DERA: variants seen among roughly 807,000 people sequenced by gnomAD.
DERA encodes deoxyribose-phosphate aldolase, also known as 2-deoxy-D-ribose 5-phosphate aldolase.
DERA carries 15 observed loss-of-function variants against 41.1 expected under a neutral mutation model. That is an observed-to-expected ratio of 0.37 (90% CI 0.24 to 0.56). The LOEUF is 0.56. Ranked by LOEUF, DERA falls within the 20% of genes least tolerant of loss-of-function variation. The pLI is 0.81. For synonymous variants in DERA, 139 were observed against 137.4 expected, an observed-to-expected ratio of 1.01 and a Z score of -0.08; for missense variants, 396 against 403.4, an observed-to-expected ratio of 0.98 and a Z score of 0.16.
intron 6 of DERA, among the ~76,000 whole-genome samples, chr12:16,031,960 A>T (rs186920738): frequency 1.3e-5 from 2 of 152,326 alleles, no homozygotes; most frequent in African/African-American, 4.8e-5. Flanking sequence ...TAGGTTTAAG[A>T]TACATTTGAA....
Position 16,036,589 on chromosome 12 carries a change from A to C in DERA, c.901-101A>C, listed in dbSNP as rs1949130457. 3 of 1,061,002 alleles carry C rather than the reference A, an allele frequency of 2.8e-6. No individual in the cohort carries two copies. In the East Asian group the frequency reaches 8.0e-5, roughly 28 times the overall value. 65.7% of individuals were successfully genotyped at this position (1,061,002 alleles called of 1,614,324 possible). On this transcript the variant is annotated intron_variant, in intron 8 of 8. Coordinates refer to ENST00000428559, the MANE Select transcript of DERA (RefSeq NM_015954.4). The surrounding 1 kb of genome is among the most constrained non-coding windows in gnomAD (Gnocchi z 4.9). ...ACATACTAGTGAGGCTTTCTAATGAAATGTTCATTAAAACTATTTATTATT... is the reference window on the plus strand; with the variant it reads ...ACATACTAGTGAGGCTTTCTAATGACATGTTCATTAAAACTATTTATTATT...
At chr12:15,951,313 G>A (rs752294622) in intron 1 of DERA, 5 of 152,254 alleles carry the variant, frequency 3.3e-5, no homozygotes, top group Admixed American at 6.5e-5. Flanking sequence ...AGATTTTGGT[G>A]ATCTTTTCTA....
At chr12:15,927,378 A>C (rs1412402160) in intron 1 of DERA, among the ~76,000 whole-genome samples, 1 of 152,226 alleles carries the variant, frequency 6.6e-6, no homozygotes, top group African/African-American at 2.4e-5. Flanking sequence ...ATAATCAGAG[A>C]CAAGTGTTCA....
chr12:16,032,702 T>G lies in DERA; in HGVS notation c.750+48T>G, dbSNP rs1222849660. Reference sequence around the variant, plus strand: ...TTCTTCAGAGTAAAGATAATGTTATTTATAATACTAGTTACAGCCACAATA... The same window carrying G: ...TTCTTCAGAGTAAAGATAATGTTATGTATAATACTAGTTACAGCCACAATA... On this transcript the variant is annotated intron_variant, in intron 7 of 8. Coordinates refer to ENST00000428559, the MANE Select transcript of DERA (RefSeq NM_015954.4). 8.7e-6 allele frequency: 10 copies of G among 1,143,922 alleles called. No individual in the cohort carries two copies. In the Admixed American group the frequency reaches 2.0e-4, roughly 23 times the overall value. The allele number at this position is 1,143,922 out of a possible 1,614,324, so 70.9% of individuals were successfully genotyped here. A position where few individuals can be genotyped will look rare whatever the true frequency, so the allele number is the denominator to read the frequency against.
In DERA at chr12:16,036,191, A is replaced by G. The variant is rs375693246; in HGVS notation, c.751-41A>G. The G allele has an allele frequency of 3.3e-5, 49 of 1,483,904 alleles. No homozygotes were observed. Among genetic ancestry groups the G allele is most frequent in the East Asian group, 4.9e-5 (2 of 40,824 alleles). The allele number at this position is 1,483,904 out of a possible 1,614,324, so 91.9% of individuals were successfully genotyped here. A position where few individuals can be genotyped will look rare whatever the true frequency, so the allele number is the denominator to read the frequency against. The stretch of plus-strand genomic sequence containing the variant: ...TAGTACTATTTTTAAAAGAAATCCA[A>G]TAACAATAAAGATTGTTCTATTCTC... On this transcript the variant is annotated intron_variant, in intron 7 of 8. Transcript: ENST00000428559. The surrounding 1 kb of genome is among the most constrained non-coding windows in gnomAD (Gnocchi z 4.9).
chr12:15,914,313 T>G (rs1035094367), intron 1 of DERA, among the ~76,000 whole-genome samples: 23 of 147,456 alleles, frequency 1.6e-4, no homozygotes, highest in African/African-American at 5.5e-4. Flanking sequence ...ACCCAGAGAG[T>G]GGAGGTTGCA....
chr12:15,984,774 A>C lies in DERA; in HGVS notation c.637+2338A>C, dbSNP rs574159425. On this transcript the variant is annotated intron_variant, in intron 6 of 8. Transcript: ENST00000428559. The surrounding 1 kb of genome is among the most constrained non-coding windows in gnomAD (Gnocchi z 4.5). ...AAGCATGTAGCATACTTCCTGGCCT[A>C]TAGTTTATACTTCCTACTCTGTTAA... is the stretch of plus-strand genomic sequence containing the variant. Among the ~76,000 whole-genome samples the C allele has an allele frequency of 5.9e-5, 9 of 152,346 alleles. No individual in the cohort carries two copies. The highest frequency in any genetic ancestry group is 1.9e-4 in the African/African-American group (8 of 41,582).
rs1474352796 is a variant in DERA, at chr12:16,020,388, T to G, written c.638-12154T>G. Among the ~76,000 whole-genome samples, 1 of 152,158 alleles carries G rather than the reference T, an allele frequency of 6.6e-6. No homozygotes were observed. The highest frequency in any genetic ancestry group is 2.4e-5 in the African/African-American group (1 of 41,446). On this transcript the variant is annotated intron_variant, in intron 6 of 8. Transcript: ENST00000428559. This position sits in a 1 kb window ranked among gnomAD's most constrained non-coding sequence, Gnocchi z 5.5. ...GGAAATCTACCCCCATGATCCAATCTCTTCCTACCAGAGACACCTGAACAT... is the reference window on the plus strand; with the variant it reads ...GGAAATCTACCCCCATGATCCAATCGCTTCCTACCAGAGACACCTGAACAT...
In DERA at chr12:15,985,993, G is replaced by A. The variant is rs1018757025; in HGVS notation, c.637+3557G>A. Among the ~76,000 whole-genome samples the A allele has an allele frequency of 6.6e-5, 10 of 151,926 alleles. No homozygotes were observed. Among genetic ancestry groups the A allele is most frequent in the African/African-American group, 1.7e-4 (7 of 41,362 alleles). On this transcript the variant is annotated intron_variant, in intron 6 of 8. Transcript: ENST00000428559. The surrounding 1 kb of genome is among the most constrained non-coding windows in gnomAD (Gnocchi z 4.2). ...GTGGATTTGTCTGGTTATCCCTTTC[G>A]TCTGTCAGTTTTTTCATCATGTATT...
chr12:15,939,710 T>G (rs2136135462), intron 1 of DERA, among the ~76,000 whole-genome samples: 1 of 152,046 alleles, frequency 6.6e-6, no homozygotes, highest in South Asian at 2.1e-4. Context: ...TCAAGACCAG[T>G]GTACATCAGC....
chr12:15,991,786 G>C (rs11056749), intron 6 of DERA, among the ~76,000 whole-genome samples: 1 of 152,082 alleles, frequency 6.6e-6, no homozygotes, highest in Non-Finnish European at 1.5e-5. Context: ...TAGAATATTA[G>C]TCAGAAAGAT....
rs1435284750 is a variant in DERA at position 16,035,080 on chromosome 12, T to C, written c.751-1152T>C. Among the ~76,000 whole-genome samples, 3 of 152,162 alleles carry C rather than the reference T, an allele frequency of 2.0e-5. No individual in the cohort carries two copies. Among genetic ancestry groups the C allele is most frequent in the African/African-American group, 7.2e-5 (3 of 41,432 alleles). ...ACCAGTTAAAAGACTTTTACTGATA[T>C]TTCCTGTGAGAATTGATAAGGGTCT... On this transcript the variant is annotated intron_variant, in intron 7 of 8. Transcript: ENST00000428559. This position sits in a 1 kb window ranked among gnomAD's most constrained non-coding sequence, Gnocchi z 4.1.
At position 16,012,376 on chromosome 12, in the gene DERA, T is replaced by C. The variant is rs565252092; in HGVS notation, c.638-20166T>C. On this transcript the variant is annotated intron_variant, in intron 6 of 8. Coordinates refer to ENST00000428559, the MANE Select transcript of DERA (RefSeq NM_015954.4). The surrounding 1 kb of genome is among the most constrained non-coding windows in gnomAD (Gnocchi z 4.1). ...GAGACATTGAAACCACTGAAAATAC[T>C]CATGACAGAGGAAACTGTATTTCCT... Among the ~76,000 whole-genome samples the C allele has an allele frequency of 3.9e-5, 6 of 152,338 alleles. No individual in the cohort carries two copies. The East Asian group carries it at 1.2e-3, about 29-fold the overall frequency.
Position 15,941,413 on chromosome 12 carries a change from G to C in DERA, c.32-15523G>C, listed in dbSNP as rs113220087. On this transcript the variant is annotated intron_variant, in intron 1 of 8. Transcript: ENST00000428559. The surrounding 1 kb of genome is among the most constrained non-coding windows in gnomAD (Gnocchi z 4.5). ...TTTCAATAGTTTTTGAGGTACAGGT[G>C]GTTTTGGATTACATGGTTAAGTTCT... Among the ~76,000 whole-genome samples, 354 of 152,210 alleles carry C rather than the reference G, an allele frequency of 2.3e-3. 3 individuals carry two copies. The highest frequency in any genetic ancestry group is 8.1e-3 in the African/African-American group (337 of 41,546).
chr12:15,945,753 C>G (rs1948442565), intron 1 of DERA, among the ~76,000 whole-genome samples: 1 of 152,144 alleles, frequency 6.6e-6, no homozygotes, highest in Non-Finnish European at 1.5e-5. Flanking sequence ...GCCGGAACTT[C>G]CAACACTATG....
rs144754535 is a variant in DERA at position 15,981,471 on chromosome 12, C to T, written c.509-837C>T. The stretch of plus-strand genomic sequence containing the variant: ...CCTGAGTTCAAGAAATGATAGTGGC[C>T]GGCCTGAAAAAGCCAAAATTCACTA... On this transcript the variant is annotated intron_variant, in intron 5 of 8. Transcript: ENST00000428559. The surrounding 1 kb of genome is among the most constrained non-coding windows in gnomAD (Gnocchi z 6.1). Among the ~76,000 whole-genome samples, 25 of 152,224 alleles carry T rather than the reference C, an allele frequency of 1.6e-4. No homozygotes were observed. Among genetic ancestry groups the T allele is most frequent in the South Asian group, 8.3e-4 (4 of 4,826 alleles).
At chr12:15,961,726 A>G (rs2136149558) in intron 4 of DERA, among the ~76,000 whole-genome samples, 2 of 152,264 alleles carry the variant, frequency 1.3e-5, no homozygotes, top group South Asian at 4.2e-4. Context: ...CCTCTAAGGT[A>G]ACAGACCTAA....
Position 16,017,963 on chromosome 12 carries a change from C to G in DERA, c.638-14579C>G, listed in dbSNP as rs57615040. Among the ~76,000 whole-genome samples, 3,287 of 152,226 alleles carry G rather than the reference C, an allele frequency of 0.022. 141 individuals carry two copies. The highest frequency in any genetic ancestry group is 0.075 in the African/African-American group (3,133 of 41,508). ...AATGTTAATAATACCTTCCACTGTG[C>G]TGTTCTTTTGTAGCATAGCAGCATA... On this transcript the variant is annotated intron_variant, in intron 6 of 8. Transcript: ENST00000428559. This position sits in a 1 kb window ranked among gnomAD's most constrained non-coding sequence, Gnocchi z 5.5.
At chr12:15,917,774 G>T (rs1015439915) in intron 1 of DERA, among the ~76,000 whole-genome samples, 3 of 152,230 alleles carry the variant, frequency 2.0e-5, no homozygotes, top group Middle Eastern at 3.4e-3. Context: ...TTTCAACAAG[G>T]TATTTCTGGC....
Sources: allele counts gnomAD v4.1 joint callset (sites outside exome capture counted in the v4.1 genomes callset), GRCh38; gene constraint gnomAD v4.1.1; non-coding constraint Gnocchi (gnomAD v3.1); transcripts MANE v1.5; gene names NCBI Gene and HGNC (gene_info 2026-07-23, HGNC 2026-07-21).